KREMEN1: variants seen among roughly 807,000 people sequenced by gnomAD.
The protein encoded by KREMEN1 is kringle containing transmembrane protein 1, also known as kremen protein 1.
Under a neutral mutation model 46.5 loss-of-function variants are expected in KREMEN1, and 30 were observed. The ratio of observed to expected loss-of-function variants is 0.65; its 90% CI spans 0.48 to 0.88. KREMEN1 has a LOEUF of 0.88. Among genes scored for constraint, KREMEN1 ranks in the 40% least tolerant of loss-of-function variants. The pLI is 0.00. For missense variants in KREMEN1, 533 were observed against 596.9 expected (o/e 0.89, Z 1.11); for synonymous variants, 214 against 230.6 (o/e 0.93, Z 0.65).
chr22:29,125,513 C>A, intron 5 of KREMEN1, 97 bp downstream of exon 5: 2 of 1,236,662 alleles, frequency 1.6e-6, no homozygotes, highest in Non-Finnish European at 1.1e-6. Context: ...TGTATTCATT[C>A]ATTCACTTGG....
intron 3 of KREMEN1, among the ~76,000 whole-genome samples, chr22:29,115,891 G>A (rs1446336886): frequency 1.3e-5 from 2 of 152,190 alleles, no homozygotes; most frequent in Non-Finnish European, 2.9e-5. Flanking sequence ...CTACAATTTG[G>A]TCTCTGTATA....
intron 2 of KREMEN1, among the ~76,000 whole-genome samples, chr22:29,095,105 G>A (rs2037865410): frequency 6.6e-6 from 1 of 152,122 alleles, no homozygotes; most frequent in African/African-American, 2.4e-5. Flanking sequence ...ACAGCACCAT[G>A]TGTGACCCAA....
intron 3 of KREMEN1, among the ~76,000 whole-genome samples, chr22:29,114,761 T>C (rs1569323414): frequency 1.3e-5 from 2 of 152,082 alleles, no homozygotes; most frequent in Non-Finnish European, 1.5e-5. Flanking sequence ...TACTAGAACA[T>C]AAAAAAGCAC....
intron 1 of KREMEN1, among the ~76,000 whole-genome samples, chr22:29,091,316 A>G (rs2037801503): frequency 6.6e-6 from 1 of 152,212 alleles, no homozygotes; most frequent in Non-Finnish European, 1.5e-5. Flanking sequence ...CTTTTGTATT[A>G]CAAACCAAGT....
chr22:29,085,896 A>G (rs5762982), intron 1 of KREMEN1, among the ~76,000 whole-genome samples: 22,229 of 151,680 alleles, frequency 0.15, 2,149 homozygotes, highest in East Asian at 0.48. Context: ...ACTTGAGCCC[A>G]GGAGGTAGAG....
At chr22:29,134,399 C>T (rs966233894) in intron 5 of KREMEN1, among the ~76,000 whole-genome samples, 4 of 152,066 alleles carry the variant, frequency 2.6e-5, no homozygotes, top group Non-Finnish European at 4.4e-5. Flanking sequence ...TTGAGAGATC[C>T]TCCTCCCGTG....
At chr22:29,095,998 G>A (rs958648645) in intron 2 of KREMEN1, among the ~76,000 whole-genome samples, 6 of 151,990 alleles carry the variant, frequency 3.9e-5, no homozygotes, top group African/African-American at 1.5e-4. Context: ...ACCAATTTGG[G>A]TATTTGCCAC....
At chr22:29,098,251 C>A (rs1319193566) in intron 2 of KREMEN1, among the ~76,000 whole-genome samples, 1 of 151,550 alleles carries the variant, frequency 6.6e-6, no homozygotes, top group Non-Finnish European at 1.5e-5. Context: ...GGTCTCTATA[C>A]CACATATTCC....
At chr22:29,094,933 C>G (rs2037862755) in intron 2 of KREMEN1, among the ~76,000 whole-genome samples, 1 of 152,134 alleles carries the variant, frequency 6.6e-6, no homozygotes, top group African/African-American at 2.4e-5. Context: ...CAATTTACCA[C>G]TCTTTTCAAC....
At chr22:29,166,081 A>G (rs1007030373) in intron 9 of KREMEN1, among the ~76,000 whole-genome samples, 1 of 152,172 alleles carries the variant, frequency 6.6e-6, no homozygotes, top group Non-Finnish European at 1.5e-5. Flanking sequence ...GTGTGCACAC[A>G]TGCACACACA....
chr22:29,124,704 A>G (rs966869441), intron 4 of KREMEN1, among the ~76,000 whole-genome samples: 1 of 151,960 alleles, frequency 6.6e-6, no homozygotes, highest in Non-Finnish European at 1.5e-5. Flanking sequence ...TGTTGGCCAG[A>G]CTGGTCTCTA....
chr22:29,108,447 A>C (rs369730659), intron 3 of KREMEN1, among the ~76,000 whole-genome samples: 12 of 152,014 alleles, frequency 7.9e-5, no homozygotes, highest in Admixed American at 5.2e-4. Flanking sequence ...AGGCACAATG[A>C]CTCTCAGTTG....
chr22:29,136,004 C>G lies in KREMEN1; in HGVS notation c.632-1338C>G, dbSNP rs2038650827. Among the ~76,000 whole-genome samples the G allele has an allele frequency of 3.3e-5, 5 of 152,092 alleles. No homozygotes were observed. The South Asian group carries it at 1.0e-3, about 32-fold the overall frequency. ...TAGCGTGATCTCGGCTCACTGCAAC[C>G]TCCAGCTCCCGGGTTCAAGAAATTC... is the stretch of plus-strand genomic sequence containing the variant. On this transcript the variant is annotated intron_variant, in intron 5 of 8. Transcript: ENST00000400335.
rs761961909 is a variant in KREMEN1, at chr22:29,138,668, A to G, written c.1009A>G (p.Thr337Ala). ...ACAGGAGAGGCCCGCTGTCAACCAG[A>G]CGGTGGCCGAGGTGATCACGGAGCA... ...LPQERPAVNQ[T>A]VAEVITEQAN... The change falls in exon 7 of 9, where the codon ACG becomes GCG. Residue 337 changes from threonine (T) to alanine (A), a missense_variant. By Grantham distance (58) the Thr-to-Ala change is moderately conservative. Transcript: ENST00000400335. 8.7e-6 allele frequency: 14 copies of G among 1,614,114 alleles called. No individual in the cohort carries two copies. Among genetic ancestry groups the G allele is most frequent in the African/African-American group, 1.3e-5 (1 of 74,942 alleles).
At chr22:29,092,210 A>G (rs537542342) in intron 1 of KREMEN1, among the ~76,000 whole-genome samples, 1 of 152,314 alleles carries the variant, frequency 6.6e-6, no homozygotes, top group East Asian at 1.9e-4. Context: ...TGTTTTAGGG[A>G]AGTCAACAGG....
At chr22:29,137,877 G>A (rs2038696428) in intron 6 of KREMEN1, among the ~76,000 whole-genome samples, 1 of 152,158 alleles carries the variant, frequency 6.6e-6, no homozygotes. Context: ...ACAGAAAAGA[G>A]GTGAAAACCT....
rs132281 is a variant in KREMEN1 at position 29,146,760 on chromosome 22, C to A, written c.*4648C>A. The A allele has an allele frequency of 0.96, 911,065 of 953,722 alleles. 435,280 individuals carry two copies. The highest frequency in any genetic ancestry group is 1 in the East Asian group (8,668 of 8,670). 59.1% of individuals were successfully genotyped at this position (953,722 alleles called of 1,614,324 possible). ...TGGAATGTAATGGTACTTTTACAAA[C>A]GAGAAAAAATGTTATTTTTACTTTC... is the stretch of plus-strand genomic sequence containing the variant. On this transcript the variant is annotated 3_prime_UTR_variant, in exon 9 of 9. Coordinates refer to ENST00000400335, the MANE Select transcript of KREMEN1 (RefSeq NM_001039570.3).
chr22:29,113,835 T>A (rs1278180363), intron 3 of KREMEN1, among the ~76,000 whole-genome samples: 8 of 152,224 alleles, frequency 5.3e-5, no homozygotes. Flanking sequence ...CCCTCCCTCT[T>A]ATAGAAGCTG....
chr22:29,108,252 A>C (rs965763089), intron 3 of KREMEN1, among the ~76,000 whole-genome samples: 8 of 152,248 alleles, frequency 5.3e-5, no homozygotes. Context: ...GCGCCATTGC[A>C]CTTTAGTCTG....
Sources: allele counts gnomAD v4.1 joint callset (sites outside exome capture counted in the v4.1 genomes callset), GRCh38; gene constraint gnomAD v4.1.1; transcripts MANE v1.5; gene names NCBI Gene and HGNC (gene_info 2026-07-23, HGNC 2026-07-21).